The following MIA2 variants were observed in gnomAD, a reference collection of about 807,000 sequenced individuals.
MIA2 encodes MIA SH3 domain ER export factor 2, also known as melanoma inhibitory activity protein 2.
A neutral mutation model predicts 167.8 loss-of-function variants in MIA2; 127 were observed. The ratio of observed to expected loss-of-function variants is 0.76; its 90% CI spans 0.66 to 0.88. MIA2 has a LOEUF of 0.88. MIA2 is among the 40% of genes least tolerant of loss of function. The pLI is 0.00. For missense variants in MIA2, 1,690 were observed against 1,624.7 expected, an observed-to-expected ratio of 1.04 and a Z score of -0.69; for synonymous variants, 552 against 541.9, an observed-to-expected ratio of 1.02 and a Z score of -0.26.
At chr14:39,262,040 T>G (rs1330657824) in intron 6 of MIA2, among the ~76,000 whole-genome samples, 3 of 152,128 alleles carry the variant, frequency 2.0e-5, no homozygotes, top group Admixed American at 6.6e-5. Flanking sequence ...ATTGCTTTTG[T>G]TGTTTTAGAC....
intron 6 of MIA2, among the ~76,000 whole-genome samples, chr14:39,263,795 C>T (rs943675522): frequency 4.0e-5 from 6 of 151,864 alleles, no homozygotes; most frequent in Non-Finnish European, 8.8e-5. Flanking sequence ...CCATGCCCAG[C>T]TAATTTTTTG....
chr14:39,308,705 C>A, intron 18 of MIA2, 118 bp downstream of exon 18: 2 of 836,142 alleles, frequency 2.4e-6, no homozygotes, highest in Non-Finnish European at 1.8e-6. Flanking sequence ...GATTGTATTT[C>A]ATCAACTTAT....
intron 6 of MIA2, among the ~76,000 whole-genome samples, chr14:39,269,492 C>T (rs1022523856): frequency 2.0e-5 from 3 of 151,860 alleles, no homozygotes; most frequent in African/African-American, 7.3e-5. Context: ...CATGTTGTAG[C>T]ATGTAACAGA....
intron 18 of MIA2, among the ~76,000 whole-genome samples, chr14:39,312,505 G>A (rs2064501775): frequency 6.6e-6 from 1 of 152,212 alleles, no homozygotes; most frequent in African/African-American, 2.4e-5. Flanking sequence ...CATGAAGAAG[G>A]GAAGATATCC....
At chr14:39,256,974 G>C (rs1042791826) in intron 6 of MIA2, among the ~76,000 whole-genome samples, 1 of 152,182 alleles carries the variant, frequency 6.6e-6, no homozygotes, top group Non-Finnish European at 1.5e-5. Flanking sequence ...TGGTCTGAGA[G>C]ACTGTTACGA....
At chr14:39,248,959 G>A (rs2054435671) in intron 4 of MIA2, among the ~76,000 whole-genome samples, 1 of 151,946 alleles carries the variant, frequency 6.6e-6, no homozygotes, top group Non-Finnish European at 1.5e-5. Flanking sequence ...TGGTGGTCTC[G>A]AACTCCTGAG....
chr14:39,326,877 AG>A lies in MIA2; in HGVS notation c.3513del (p.Asn1172IlefsTer19). The A allele has an allele frequency of 6.4e-7, 1 of 1,573,076 alleles. No individual in the cohort carries two copies. The highest frequency in any genetic ancestry group is 1.4e-5 in the African/African-American group (1 of 72,322). ...GGGGRGSRGP[G>X]NPLDHQITNE... ...TTCTTTAATTAGGCTCACGAGGCCC[AG>A]GGAATCCTCTGGACCATCAGATTAC... is the stretch of plus-strand genomic sequence containing the variant. On this transcript the variant is annotated frameshift_variant, in exon 25 of 29. Transcript: ENST00000640607. LOFTEE classifies it high-confidence loss of function.
At chr14:39,314,967 T>A in intron 20 of MIA2, 168 bp downstream of exon 20, 1 of 486,506 alleles carries the variant, frequency 2.1e-6, no homozygotes, top group Non-Finnish European at 3.4e-6. Context: ...CCAAAGATTC[T>A]GAGATAAGAA....
intron 23 of MIA2, among the ~76,000 whole-genome samples, chr14:39,383,284 C>A (rs572318883): frequency 1.3e-5 from 2 of 152,208 alleles, no homozygotes; most frequent in South Asian, 4.2e-4. Context: ...TGGTAACTCT[C>A]ATAATATTTT....
chr14:39,296,768 CTTTTT>C, intron 13 of MIA2, among the ~76,000 whole-genome samples: 1 of 151,122 alleles, frequency 6.6e-6, no homozygotes, highest in East Asian at 1.9e-4. Context: ...TATATCTTTT[CTTTTT>C]GTTGTTTTTT....
intron 18 of MIA2, among the ~76,000 whole-genome samples, chr14:39,311,947 A>C (rs1330952719): frequency 2.0e-5 from 3 of 151,216 alleles, no homozygotes; most frequent in African/African-American, 7.3e-5. Flanking sequence ...CTCCTGCCTC[A>C]GACTCCCGAG....
chr14:39,301,276 C>T (rs1418032185), intron 14 of MIA2, among the ~76,000 whole-genome samples: 1 of 152,104 alleles, frequency 6.6e-6, no homozygotes, highest in East Asian at 1.9e-4. Flanking sequence ...TTTGGCCAGG[C>T]TAGTCTTGGA....
intron 6 of MIA2, chr14:39,266,059 T>G (rs564796607): frequency 1.3e-5 from 13 of 985,364 alleles, no homozygotes; most frequent in African/African-American, 5.2e-5. Flanking sequence ...AGTTTTTGAT[T>G]TTTTAAATGG....
chr14:39,292,485 G>C (rs1025358112), intron 10 of MIA2, among the ~76,000 whole-genome samples: 3 of 152,138 alleles, frequency 2.0e-5, no homozygotes, highest in African/African-American at 4.8e-5. Flanking sequence ...TATGATAGCT[G>C]AATCTGTAGA....
At chr14:39,238,615 C>T (rs981457135) in intron 2 of MIA2, among the ~76,000 whole-genome samples, 6 of 151,480 alleles carry the variant, frequency 4.0e-5, no homozygotes, top group Middle Eastern at 3.2e-3. Context: ...GACAACATGG[C>T]GAAACCTCAT....
chr14:39,308,490 T>G lies in MIA2; in HGVS notation c.2920T>G (p.Ser974Ala). The G allele has an allele frequency of 6.4e-7, 1 of 1,568,564 alleles. No homozygotes were observed. Among genetic ancestry groups the G allele is most frequent in the Non-Finnish European group, 8.7e-7 (1 of 1,152,780 alleles). Residue 974 changes from serine to alanine, a missense_variant, in exon 18 of 29, where the codon TCA becomes GCA. Ser to Ala is a moderately conservative substitution (Grantham distance 99, BLOSUM62 1). Coordinates refer to ENST00000640607, the MANE Select transcript of MIA2 (RefSeq NM_001329214.4). ...NLQTEQASLQ[S>A]ENTHFENENQ... is the part of the protein sequence containing the mutation. ...TCAGACTGAACAAGCATCTTTGCAGTCAGAAAACACACATTTTGAAAATGA... is the reference window on the plus strand; with the variant it reads ...TCAGACTGAACAAGCATCTTTGCAGGCAGAAAACACACATTTTGAAAATGA...
chr14:39,382,161 G>A (rs1345467708), intron 23 of MIA2, among the ~76,000 whole-genome samples: 2 of 152,180 alleles, frequency 1.3e-5, no homozygotes, highest in African/African-American at 2.4e-5. Context: ...CTTGTTGGAA[G>A]CGAGTAAAAC....
In MIA2 at chr14:39,386,560, T is replaced by G. The variant is rs953872683; in HGVS notation, c.2249-325T>G. 9.6e-6 allele frequency: 12 copies of G among 1,244,086 alleles called. No individual in the cohort carries two copies. In the African/African-American group the frequency reaches 1.8e-4, roughly 19 times the overall value. 77.1% of individuals were successfully genotyped at this position (1,244,086 alleles called of 1,614,324 possible). ...TTTTTCTTTGGTGATTTTCTTTTGG[T>G]CTCTTTGTTATCATCACCTGCTGTG... On this transcript the variant is annotated intron_variant, in intron 23 of 23. Transcript: ENST00000341502.
rs752747362 is a variant in MIA2 at position 39,293,980 on chromosome 14, G to A, written c.2320-20G>A. 2 of 1,590,222 alleles carry A rather than the reference G, an allele frequency of 1.3e-6. No individual in the cohort carries two copies. Among genetic ancestry groups the A allele is most frequent in the South Asian group, 1.1e-5 (1 of 89,408 alleles). ...AACTAGAGTTTAGTAAATATTAATT[G>A]CCTGATACTGTGTTTCTAGATGGCG... On this transcript the variant is annotated intron_variant, in intron 11 of 28. Transcript: ENST00000640607.
Sources: allele counts gnomAD v4.1 joint callset (sites outside exome capture counted in the v4.1 genomes callset), GRCh38; gene constraint gnomAD v4.1.1; transcripts MANE v1.5; gene names NCBI Gene and HGNC (gene_info 2026-07-23, HGNC 2026-07-21).